Variants in COL25A1 observed in about 807,000 individuals in gnomAD.
COL25A1 encodes the protein collagen type XXV alpha 1 chain.
In COL25A1, 103 loss-of-function variants were observed where a neutral mutation model predicts 128.4. The ratio of observed to expected loss-of-function variants is 0.80; its 90% CI spans 0.68 to 0.94. COL25A1 has a LOEUF of 0.94. Among genes scored for constraint, COL25A1 ranks in the 40% least tolerant of loss-of-function variants. The pLI, the probability that COL25A1 is intolerant of heterozygous loss-of-function variation, is 0.00. For synonymous variants in COL25A1, 279 were observed against 277.2 expected, an observed-to-expected ratio of 1.01 and a Z score of -0.06; for missense variants, 745 against 840.0, an observed-to-expected ratio of 0.89 and a Z score of 1.40.
At chr4:108,905,780 T>C (rs544254044) in intron 13 of COL25A1, among the ~76,000 whole-genome samples, 23 of 149,352 alleles carry the variant, frequency 1.5e-4, no homozygotes, top group Non-Finnish European at 2.7e-4. Context: ...GACTTCAGAA[T>C]GGAGACTCCA....
intron 3 of COL25A1, among the ~76,000 whole-genome samples, chr4:109,098,265 G>A (rs1051711933): frequency 1.3e-5 from 2 of 152,188 alleles, no homozygotes; most frequent in African/African-American, 4.8e-5. Flanking sequence ...TCTTGTGGAA[G>A]TGTCTGTGGG....
chr4:109,124,087 T>TG (rs1243684456), intron 3 of COL25A1, among the ~76,000 whole-genome samples: 4 of 152,218 alleles, frequency 2.6e-5, no homozygotes, highest in Non-Finnish European at 5.9e-5. Context: ...GGAAAAACTC[T>TG]ACTTTCTATT....
intron 5 of COL25A1, among the ~76,000 whole-genome samples, chr4:109,030,496 C>T (rs1307711467): frequency 2.0e-5 from 3 of 152,134 alleles, no homozygotes; most frequent in African/African-American, 4.8e-5. Context: ...ACCCACAGCA[C>T]GAACTCAGTA....
chr4:109,280,753 A>G (rs1723301331), intron 3 of COL25A1, among the ~76,000 whole-genome samples: 1 of 152,032 alleles, frequency 6.6e-6, no homozygotes, highest in Admixed American at 6.6e-5. Context: ...CCTGAGTTCA[A>G]GTGATTCTCC....
chr4:109,176,372 G>A (rs183088921), intron 3 of COL25A1, among the ~76,000 whole-genome samples: 4 of 152,172 alleles, frequency 2.6e-5, no homozygotes, highest in African/African-American at 9.7e-5. Flanking sequence ...CCTGGTGACA[G>A]AGTGAGACTC....
chr4:108,872,249 CTA>C (rs1294955517), intron 19 of COL25A1, among the ~76,000 whole-genome samples: 1 of 152,050 alleles, frequency 6.6e-6, no homozygotes, highest in Non-Finnish European at 1.5e-5. Flanking sequence ...AAACCCATCT[CTA>C]TTAAAAATAC....
chr4:109,263,084 A>C (rs1487919865), intron 3 of COL25A1, among the ~76,000 whole-genome samples: 2 of 152,124 alleles, frequency 1.3e-5, no homozygotes, highest in African/African-American at 4.8e-5. Context: ...AGCCAAGATC[A>C]CACCATTGCA....
At chr4:109,143,404 AG>A (rs1200363264) in intron 3 of COL25A1, among the ~76,000 whole-genome samples, 1 of 151,826 alleles carries the variant, frequency 6.6e-6, no homozygotes, top group Non-Finnish European at 1.5e-5. Flanking sequence ...CTTCTCGAGG[AG>A]TATCTTTGTG....
chr4:108,990,736 T>C (rs1754154282), intron 6 of COL25A1, among the ~76,000 whole-genome samples: 1 of 148,886 alleles, frequency 6.7e-6, no homozygotes, highest in African/African-American at 2.6e-5. Context: ...ATAACAGTTA[T>C]ATATGTGTGC....
At chr4:109,098,922 C>T (rs1342278706) in intron 3 of COL25A1, among the ~76,000 whole-genome samples, 1 of 152,212 alleles carries the variant, frequency 6.6e-6, no homozygotes, top group African/African-American at 2.4e-5. Flanking sequence ...TGGTTCACTT[C>T]TGGCTCCAGT....
chr4:108,935,411 A>C (rs1205394346), intron 11 of COL25A1, among the ~76,000 whole-genome samples: 1 of 152,200 alleles, frequency 6.6e-6, no homozygotes, highest in Non-Finnish European at 1.5e-5. Flanking sequence ...TCACTGGGTT[A>C]TGCACTATAA....
At chr4:108,910,379 A>G (rs912687948) in intron 13 of COL25A1, among the ~76,000 whole-genome samples, 6 of 152,216 alleles carry the variant, frequency 3.9e-5, no homozygotes, top group Non-Finnish European at 8.8e-5. Context: ...TTGAGGTATT[A>G]ATGCCTCCAA....
At chr4:108,961,011 TA>T (rs1750620404) in intron 8 of COL25A1, among the ~76,000 whole-genome samples, 1 of 152,266 alleles carries the variant, frequency 6.6e-6, no homozygotes, top group South Asian at 2.1e-4. Context: ...AAATACTTTT[TA>T]AAAAACAATT....
chr4:109,102,724 A>G (rs189400557), intron 3 of COL25A1, among the ~76,000 whole-genome samples: 188 of 152,270 alleles, frequency 1.2e-3, no homozygotes, highest in Non-Finnish European at 1.9e-3. Context: ...CCCCTTGATG[A>G]AATGACCCAT....
At chr4:109,129,028 G>C (rs1768908751) in intron 3 of COL25A1, among the ~76,000 whole-genome samples, 1 of 152,192 alleles carries the variant, frequency 6.6e-6, no homozygotes, top group Non-Finnish European at 1.5e-5. Flanking sequence ...GCCTGGATGT[G>C]AGCATTTTAT....
At chr4:109,199,274 G>A (rs1305287449) in intron 3 of COL25A1, among the ~76,000 whole-genome samples, 2 of 152,050 alleles carry the variant, frequency 1.3e-5, no homozygotes, top group Non-Finnish European at 2.9e-5. Flanking sequence ...TTATCACCAC[G>A]ATGTGTACTT....
intron 8 of COL25A1, among the ~76,000 whole-genome samples, chr4:108,951,472 G>A (rs1276428156): frequency 1.3e-5 from 2 of 149,166 alleles, no homozygotes; most frequent in African/African-American, 4.9e-5. Flanking sequence ...TGCAACCTCC[G>A]CCTCCCAGGT....
intron 8 of COL25A1, among the ~76,000 whole-genome samples, chr4:108,966,926 A>AGAAAGAAAGAAAAG (rs56937338): frequency 1.3e-5 from 2 of 150,668 alleles, no homozygotes; most frequent in Non-Finnish European, 3.0e-5. Flanking sequence ...AAGAGAGAAA[A>AGAAAGAAAGAAAAG]AGAGAGAAAG....
chr4:109,168,941 C>A (rs553202417), intron 3 of COL25A1, among the ~76,000 whole-genome samples: 1 of 152,106 alleles, frequency 6.6e-6, no homozygotes, highest in Admixed American at 6.6e-5. Context: ...ATCTCTCACC[C>A]GCACTACTGC....
Sources: gnomAD v4.1 joint callset for allele counts (sites outside exome capture counted in the v4.1 genomes callset) on GRCh38, gnomAD v4.1.1 for gene constraint, MANE v1.5 for transcripts, NCBI Gene and HGNC (gene_info 2026-07-23, HGNC 2026-07-21) for gene names.